The following SPTA1 variants were observed in gnomAD, a reference collection of about 807,000 sequenced individuals.
SPTA1 encodes spectrin alpha, erythrocytic 1, also known as spectrin alpha chain, erythrocytic 1.
A neutral mutation model predicts 324.7 loss-of-function variants in SPTA1; 177 were observed. That is an observed-to-expected ratio of 0.55 (90% CI 0.48 to 0.62). SPTA1 has a LOEUF of 0.62. Among genes scored for constraint, SPTA1 ranks in the 20% least tolerant of loss-of-function variants. SPTA1 has a pLI of 0.00. For synonymous variants in SPTA1, 1,195 were observed against 1,041.3 expected, an observed-to-expected ratio of 1.15 and a Z score of -2.84; for missense variants, 3,162 against 2,883.6, an observed-to-expected ratio of 1.10 and a Z score of -2.21.
chr1:158,663,267 G>GA (rs1653371359), intron 16 of SPTA1, among the ~76,000 whole-genome samples: 1 of 152,144 alleles, frequency 6.6e-6, no homozygotes, highest in Non-Finnish European at 1.5e-5. Context: ...GGGCCTCAAG[G>GA]AAAAAACTGG....
At chr1:158,642,348 A>C (rs1651662529) in intron 33 of SPTA1, 63 bp downstream of exon 33, 2 of 1,511,668 alleles carry the variant, frequency 1.3e-6, no homozygotes, top group South Asian at 1.4e-5. Flanking sequence ...ATTAAAAAAA[A>C]AGAAAGAGTA....
In SPTA1 at chr1:158,643,382, A is replaced by G; in HGVS notation, c.4382T>C (p.Ile1461Thr). 6.2e-7 allele frequency: 1 copy of G among 1,613,886 alleles called. No individual in the cohort carries two copies. The highest frequency in any genetic ancestry group is 8.5e-7 in the Non-Finnish European group (1 of 1,179,898). The change falls in exon 31 of 52, where the codon ATT (isoleucine) becomes ACT (threonine). Residue 1461 changes from isoleucine (I) to threonine (T), a missense_variant. Transcript: ENST00000643759. ...TTCTTTGGCATAGTGTTCATCAGCA[A>G]TGAGGCTCTCAGCAAAATGTTCTAG... ...TDLEHFAESLIADEHYAKEEI... is the reference protein window; with the variant it reads ...TDLEHFAESLTADEHYAKEEI...
In SPTA1 at chr1:158,657,515, C is replaced by G. The variant is rs1557966826; in HGVS notation, c.2767G>C (p.Asp923His). The change falls in exon 19 of 52, where the codon GAT (aspartate) becomes CAT (histidine). Residue 923 changes from aspartate to histidine, a missense_variant. Transcript: ENST00000643759. ...TWIREKEPIV[D>H]NTNYGADEEA... ...TCATCAGCACCATAGTTAGTATTAT[C>G]TACAATAGGTTCCTTCTCTCTGATC... 1.4e-6 allele frequency: 2 copies of G among 1,413,476 alleles called. No individual in the cohort carries two copies. The highest frequency in any genetic ancestry group is 1.9e-6 in the Non-Finnish European group (2 of 1,040,058). 87.6% of individuals were successfully genotyped at this position (1,413,476 alleles called of 1,614,324 possible). A position where few individuals can be genotyped will look rare whatever the true frequency, so the allele number is the denominator to read the frequency against.
Position 158,669,543 on chromosome 1 carries a change from G to A in SPTA1, c.1698C>T (p.Ala566=), listed in dbSNP as rs561401543. 158 of 1,614,062 alleles carry A rather than the reference G, an allele frequency of 9.8e-5. 3 individuals are homozygous for A. In the South Asian group the frequency reaches 1.6e-3, roughly 16 times the overall value. ...GTCTAGTGGCAGCCTTTTCACGTAG[G>A]GCATCCCGCCGGGCTAACAGCTGCA... ...IRDGLLARRD[A]LREKAATRRR... The change falls in exon 14 of 52, where the codon GCC becomes GCT. Residue 566 remains alanine, a synonymous_variant. Transcript: ENST00000643759.
intron 8 of SPTA1, among the ~76,000 whole-genome samples, chr1:158,675,773 C>T (rs1571517551): frequency 6.6e-6 from 1 of 152,118 alleles, no homozygotes; most frequent in South Asian, 2.1e-4. Context: ...ATATACAGCA[C>T]ATATATGCTG....
chr1:158,661,467 C>T lies in SPTA1; in HGVS notation c.2465-58G>A, dbSNP rs12039268. The T allele has an allele frequency of 0.054, 86,969 of 1,611,168 alleles. 3,018 individuals are homozygous for T. The highest frequency in any genetic ancestry group is 0.19 in the East Asian group (8,590 of 44,780). On this transcript the variant is annotated intron_variant, in intron 17 of 51. Coordinates refer to ENST00000643759, the MANE Select transcript of SPTA1 (RefSeq NM_003126.4). ...TATCCTGGTGTATGGAAGTAGCATA[C>T]CTCACTTTTTTAGAACTCTTGGACC...
At chr1:158,637,687 T>G (rs908836675) in intron 36 of SPTA1, among the ~76,000 whole-genome samples, 4 of 152,214 alleles carry the variant, frequency 2.6e-5, no homozygotes, top group African/African-American at 9.6e-5. Context: ...ATACTGGATA[T>G]AGAATGACAA....
chr1:158,629,106 G>T (rs945623804), intron 39 of SPTA1, among the ~76,000 whole-genome samples: 12 of 151,340 alleles, frequency 7.9e-5, no homozygotes, highest in Non-Finnish European at 1.3e-4. Context: ...AAAGCCAGGC[G>T]ATAATTCTCT....
At chr1:158,651,324 G>A (rs376632407) in intron 24 of SPTA1, 43 bp downstream of exon 24, 15 of 1,376,960 alleles carry the variant, frequency 1.1e-5, no homozygotes, top group Non-Finnish European at 1.6e-5. Context: ...GACTCCCAAA[G>A]CCCAACCTGG....
intron 7 of SPTA1, among the ~76,000 whole-genome samples, chr1:158,676,681 A>G (rs754966949): frequency 2.6e-5 from 4 of 152,072 alleles, no homozygotes; most frequent in East Asian, 1.9e-4. Flanking sequence ...CCCCTCTATA[A>G]CATTTCCCTA....
In SPTA1 at chr1:158,680,625, C is replaced by T. The variant is rs1190774456; in HGVS notation, c.636G>A (p.Gly212=). 2.5e-6 allele frequency: 4 copies of T among 1,613,940 alleles called. No homozygotes were observed. The South Asian group carries it at 4.4e-5, about 18-fold the overall frequency. ...DFQVELVAKE[G]RVVEVNQYAN... ...CATATTGGTTCACTTCAACAACTCTCCCTTCTTTAGCTACCAGCTCCACTT... is the reference window on the plus strand; with the variant it reads ...CATATTGGTTCACTTCAACAACTCTTCCTTCTTTAGCTACCAGCTCCACTT... Residue 212 remains glycine (G), a synonymous_variant, in exon 5 of 52, where the codon GGG becomes GGA. Transcript: ENST00000643759.
intron 48 of SPTA1, chr1:158,614,518 A>C: frequency 2.0e-6 from 1 of 501,786 alleles, no homozygotes; most frequent in Non-Finnish European, 3.5e-6. Flanking sequence ...TTACATTTTC[A>C]TATGGTTGAA....
intron 39 of SPTA1, among the ~76,000 whole-genome samples, chr1:158,633,640 G>A (rs1323589078): frequency 1.5e-5 from 2 of 131,068 alleles, no homozygotes; most frequent in East Asian, 4.6e-4. Context: ...CAGGCTGGGA[G>A]ACAGAGTGAG....
rs773667813 is a variant in SPTA1, at chr1:158,644,278, T to C, written c.4313A>G (p.Asp1438Gly). Reference sequence around the variant, plus strand: ...CTGGGCAGTGATTGCTTTGTCCAAATCGTCCCGTTTCTTCATCAAAGCCTC... The same window carrying C: ...CTGGGCAGTGATTGCTTTGTCCAAACCGTCCCGTTTCTTCATCAAAGCCTC... ...SLEALMKKRD[D>G]LDKAITAQEG... is the part of the protein sequence containing the mutation. The change falls in exon 30 of 52, where the codon GAT (aspartate) becomes GGT (glycine). Residue 1438 changes from aspartate to glycine, a missense_variant. By Grantham distance (94) the Asp-to-Gly change is moderately conservative. Transcript: ENST00000643759. 3.1e-6 allele frequency: 5 copies of C among 1,613,800 alleles called. No individual in the cohort carries two copies. The highest frequency in any genetic ancestry group is 1.7e-5 in the Admixed American group (1 of 59,954).
chr1:158,653,037 T>G (rs933125738), intron 22 of SPTA1, among the ~76,000 whole-genome samples: 1 of 152,168 alleles, frequency 6.6e-6, no homozygotes, highest in African/African-American at 2.4e-5. Flanking sequence ...GGGCAGGGAA[T>G]CAGAAGAGCT....
chr1:158,672,293 C>T, intron 10 of SPTA1, 97 bp from the exon 11 acceptor site: 3 of 1,302,556 alleles, frequency 2.3e-6, no homozygotes, highest in Middle Eastern at 2.6e-4. Flanking sequence ...TTTAAGGATA[C>T]AAAAATAAAC....
Position 158,656,601 on chromosome 1 carries a change from C to T in SPTA1, c.2861G>A (p.Ser954Asn). The T allele has an allele frequency of 6.2e-7, 1 of 1,613,970 alleles. No individual in the cohort carries two copies. The highest frequency in any genetic ancestry group is 1.7e-5 in the Admixed American group (1 of 60,022). The change falls in exon 20 of 52, where the codon AGT becomes AAT. Residue 954 changes from serine (S) to asparagine (N), a missense_variant. Ser to Asn is a conservative substitution (Grantham distance 46, BLOSUM62 1). Coordinates refer to ENST00000643759, the MANE Select transcript of SPTA1 (RefSeq NM_003126.4). The part of the protein sequence containing the change: ...FLLDLNSFGD[S>N]MKALRNQANA... ...TGCCTGATTCCGCAGAGCTTTCATACTGTCTCCAAATGAATTGAGATCTAA... is the reference window on the plus strand; with the variant it reads ...TGCCTGATTCCGCAGAGCTTTCATATTGTCTCCAAATGAATTGAGATCTAA...
In SPTA1 at chr1:158,674,370, C is replaced by T. The variant is rs147677656; in HGVS notation, c.1309G>A (p.Val437Met). The change falls in exon 10 of 52, where the codon GTG becomes ATG. Residue 437 changes from valine to methionine, a missense_variant. Val to Met is a conservative substitution (Grantham distance 21). Transcript: ENST00000643759. ...TCAGAGGCTTCATGATTGGCATTCA[C>T]GAGGTCTTGACCAGTCTCATCAGCA... Reference protein sequence around the residue: ...QSADETGQDLVNANHEASDEV... With the variant: ...QSADETGQDLMNANHEASDEV... 3.2e-5 allele frequency: 51 copies of T among 1,614,078 alleles called. No homozygotes were observed. The Middle Eastern group carries it at 6.6e-4, about 21-fold the overall frequency.
At chr1:158,665,217 T>G (rs1653505913) in intron 16 of SPTA1, among the ~76,000 whole-genome samples, 1 of 152,170 alleles carries the variant, frequency 6.6e-6, no homozygotes, top group African/African-American at 2.4e-5. Context: ...ATTAAACAAA[T>G]TATACCCTTC....
Sources: gnomAD v4.1 joint callset for allele counts (sites outside exome capture counted in the v4.1 genomes callset) on GRCh38, gnomAD v4.1.1 for gene constraint, MANE v1.5 for transcripts, NCBI Gene and HGNC (gene_info 2026-07-23, HGNC 2026-07-21) for gene names.